Variants in UBASH3B observed in about 807,000 individuals in gnomAD.
UBASH3B encodes the protein ubiquitin associated and SH3 domain containing B, also known as ubiquitin-associated and SH3 domain-containing protein B.
A neutral mutation model predicts 83.4 loss-of-function variants in UBASH3B; 37 were observed. The ratio of observed to expected loss-of-function variants is 0.44; its 90% CI spans 0.34 to 0.58. The LOEUF (loss-of-function observed/expected upper bound fraction) is 0.58. Among genes scored for constraint, UBASH3B ranks in the 20% least tolerant of loss-of-function variants. The pLI, the probability that UBASH3B is intolerant of heterozygous loss-of-function variation, is 0.01. For missense variants in UBASH3B, 657 were observed against 827.2 expected, an observed-to-expected ratio of 0.79 and a Z score of 2.52; for synonymous variants, 304 against 318.3, an observed-to-expected ratio of 0.96 and a Z score of 0.48.
At chr11:122,797,907 G>A (rs1378277109) in intron 9 of UBASH3B, among the ~76,000 whole-genome samples, 1 of 152,148 alleles carries the variant, frequency 6.6e-6, no homozygotes, top group Non-Finnish European at 1.5e-5. Context: ...GCAGAGATGA[G>A]GCTAGCAAGA....
At chr11:122,696,950 G>A (rs1054196029) in intron 1 of UBASH3B, among the ~76,000 whole-genome samples, 1 of 152,154 alleles carries the variant, frequency 6.6e-6, no homozygotes, top group African/African-American at 2.4e-5. Flanking sequence ...GTGGTTTACC[G>A]TATTGTTTTT....
At chr11:122,781,169 C>T (rs189202054) in intron 4 of UBASH3B, among the ~76,000 whole-genome samples, 1 of 151,800 alleles carries the variant, frequency 6.6e-6, no homozygotes, top group East Asian at 1.9e-4. Context: ...ACTTTGCAAC[C>T]CCCACCCCCA....
At chr11:122,770,671 A>T (rs1215160163) in intron 1 of UBASH3B, among the ~76,000 whole-genome samples, 2 of 152,204 alleles carry the variant, frequency 1.3e-5, no homozygotes, top group Non-Finnish European at 2.9e-5. Flanking sequence ...ATTCGCCTGG[A>T]ACAATACTAA....
chr11:122,790,348 C>T (rs1215205490), intron 6 of UBASH3B, among the ~76,000 whole-genome samples: 2 of 152,160 alleles, frequency 1.3e-5, no homozygotes, highest in East Asian at 1.9e-4. Context: ...CCCCCTCTCC[C>T]TCACTCTGCT....
In UBASH3B at chr11:122,777,973, G is replaced by A. The variant is rs138633085; in HGVS notation, c.402+763G>A. 6.6e-3 allele frequency among the ~76,000 whole-genome samples: 1,001 copies of A among 151,634 alleles called. 7 individuals carry two copies. The highest frequency in any genetic ancestry group is 0.021 in the African/African-American group (862 of 41,268). ...TTGAACTCTTCACCTCAAGTGATCC[G>A]CCCACCTCAGCCTCCCAAAGTGCTG... is the stretch of plus-strand genomic sequence containing the variant. On this transcript the variant is annotated intron_variant, in intron 3 of 13. Coordinates refer to ENST00000284273, the MANE Select transcript of UBASH3B (RefSeq NM_032873.5).
At chr11:122,804,068 C>T (rs911147127) in intron 11 of UBASH3B, among the ~76,000 whole-genome samples, 4 of 152,106 alleles carry the variant, frequency 2.6e-5, no homozygotes, top group African/African-American at 4.8e-5. Context: ...GCATGTATCC[C>T]GCTCTTCACC....
chr11:122,687,525 G>A (rs534978270), intron 1 of UBASH3B, among the ~76,000 whole-genome samples: 2 of 152,194 alleles, frequency 1.3e-5, no homozygotes, highest in South Asian at 4.2e-4. Flanking sequence ...TGTATTGGGG[G>A]GGCAGATGAG....
chr11:122,801,015 T>G (rs1301552070), intron 10 of UBASH3B, among the ~76,000 whole-genome samples, 173 bp from the exon 11 acceptor site: 1 of 152,210 alleles, frequency 6.6e-6, no homozygotes, highest in Non-Finnish European at 1.5e-5. Flanking sequence ...ACTCATGTAT[T>G]AGTAATGCAC....
chr11:122,790,909 C>T (rs1861041960), intron 6 of UBASH3B, among the ~76,000 whole-genome samples: 2 of 151,086 alleles, frequency 1.3e-5, no homozygotes, highest in African/African-American at 4.9e-5. Flanking sequence ...TGAGATCACG[C>T]AACTGCACTC....
At chr11:122,748,963 A>G (rs773727050) in intron 1 of UBASH3B, among the ~76,000 whole-genome samples, 10 of 152,190 alleles carry the variant, frequency 6.6e-5, no homozygotes, top group Non-Finnish European at 1.5e-4. Flanking sequence ...AGAACCCTCA[A>G]CTTTGGCTAC....
At chr11:122,705,716 G>T (rs189836891) in intron 1 of UBASH3B, among the ~76,000 whole-genome samples, 57 of 152,226 alleles carry the variant, frequency 3.7e-4, no homozygotes, top group African/African-American at 1.3e-3. Flanking sequence ...AACTCATGGG[G>T]GCATCCACTG....
At chr11:122,736,037 G>A (rs1294566976) in intron 1 of UBASH3B, among the ~76,000 whole-genome samples, 1 of 152,216 alleles carries the variant, frequency 6.6e-6, no homozygotes, top group East Asian at 1.9e-4. Flanking sequence ...AACCAGAGCA[G>A]ACTTGCCAGG....
At chr11:122,782,896 C>T in intron 4 of UBASH3B, 157 bp from the exon 5 acceptor site, 1 of 855,758 alleles carries the variant, frequency 1.2e-6, no homozygotes. Flanking sequence ...CCCTTACCCC[C>T]TTATTCTACT....
intron 1 of UBASH3B, among the ~76,000 whole-genome samples, chr11:122,766,275 G>A (rs781344382): frequency 2.6e-5 from 4 of 152,130 alleles, no homozygotes; most frequent in East Asian, 1.9e-4. Context: ...GGCCGGGCGC[G>A]GTGGCTCATG....
chr11:122,663,871 A>C (rs372480136), intron 1 of UBASH3B, among the ~76,000 whole-genome samples: 12 of 152,242 alleles, frequency 7.9e-5, no homozygotes, highest in East Asian at 3.8e-4. Context: ...TGTACAATGC[A>C]GACAATAACA....
chr11:122,661,873 A>AG (rs1863445474), intron 1 of UBASH3B, among the ~76,000 whole-genome samples: 1 of 146,332 alleles, frequency 6.8e-6, no homozygotes, highest in South Asian at 2.2e-4. Flanking sequence ...AAAAAAAAAA[A>AG]CAAAAAAAAA....
rs1360809663 is a variant in UBASH3B at position 122,811,997 on chromosome 11, G to A, written c.*2111G>A. 1 of 152,176 alleles carries A rather than the reference G, an allele frequency of 6.6e-6. No individual in the cohort carries two copies. Among genetic ancestry groups the A allele is most frequent in the Non-Finnish European group, 1.5e-5 (1 of 68,036 alleles). 9.4% of individuals were successfully genotyped at this position (152,176 alleles called of 1,614,324 possible). A position where few individuals can be genotyped will look rare whatever the true frequency, so the allele number is the denominator to read the frequency against. On this transcript the variant is annotated 3_prime_UTR_variant, in exon 14 of 14. Transcript: ENST00000284273. ...CCTTGAAACTGTAGCAGTGTGTTCT[G>A]GGCAGTATCTGTAATGTATGAAATA...
At chr11:122,735,197 G>T (rs1860912794) in intron 1 of UBASH3B, among the ~76,000 whole-genome samples, 1 of 152,242 alleles carries the variant, frequency 6.6e-6, no homozygotes, top group East Asian at 1.9e-4. Flanking sequence ...ATACCCAATA[G>T]CATATATTTC....
chr11:122,773,338 G>A (rs1370887481), intron 1 of UBASH3B, among the ~76,000 whole-genome samples: 1 of 152,212 alleles, frequency 6.6e-6, no homozygotes, highest in Non-Finnish European at 1.5e-5. Flanking sequence ...AGCCCAAATC[G>A]ATGCCAGCCT....
Sources: gnomAD v4.1 joint callset for allele counts (sites outside exome capture counted in the v4.1 genomes callset) on GRCh38, gnomAD v4.1.1 for gene constraint, MANE v1.5 for transcripts, NCBI Gene and HGNC (gene_info 2026-07-23, HGNC 2026-07-21) for gene names.